ABCD3: variants seen among roughly 807,000 people sequenced by gnomAD.
ABCD3 encodes ATP-binding cassette sub-family D member 3.
Under a neutral mutation model 105.5 loss-of-function variants are expected in ABCD3, and 41 were observed. The ratio of observed to expected loss-of-function variants is 0.39; its 90% CI spans 0.30 to 0.50. ABCD3 has a LOEUF of 0.50. Among genes scored for constraint, ABCD3 ranks in the 20% least tolerant of loss-of-function variants. ABCD3 has a pLI of 0.84. For synonymous variants in ABCD3, 258 were observed against 269.0 expected, an observed-to-expected ratio of 0.96 and a Z score of 0.40; for missense variants, 622 against 806.3, an observed-to-expected ratio of 0.77 and a Z score of 2.77.
chr1:94,394,872 A>G, the ABCD3 span, among the ~76,000 whole-genome samples: 1 of 152,248 alleles, frequency 6.6e-6, no homozygotes, highest in Non-Finnish European at 1.5e-5. Flanking sequence ...AGCATTTCCA[A>G]TCAGGCTCTG....
At chr1:94,507,942 G>A (rs1279756663) in intron 21 of ABCD3, among the ~76,000 whole-genome samples, 1 of 148,504 alleles carries the variant, frequency 6.7e-6, no homozygotes, top group East Asian at 1.9e-4. Context: ...TTTGTAGGCT[G>A]CCTGTTCACT....
intron 1 of ABCD3, among the ~76,000 whole-genome samples, chr1:94,442,722 A>G (rs191843549): frequency 1.3e-3 from 192 of 152,278 alleles, no homozygotes; most frequent in Non-Finnish European, 2.4e-3. Flanking sequence ...AACATTTGAT[A>G]TTTGACTTTG....
chr1:94,453,701 T>C (rs1647384524), intron 1 of ABCD3, among the ~76,000 whole-genome samples: 1 of 151,516 alleles, frequency 6.6e-6, no homozygotes, highest in Non-Finnish European at 1.5e-5. Context: ...AGAAGTCTTT[T>C]ACCTTTTTTT....
intron 7 of ABCD3, among the ~76,000 whole-genome samples, chr1:94,476,395 T>C (rs1322433803): frequency 6.6e-6 from 1 of 152,132 alleles, no homozygotes; most frequent in African/African-American, 2.4e-5. Context: ...ACCTCTTGCA[T>C]TGACTATGAT....
the ABCD3 span, among the ~76,000 whole-genome samples, chr1:94,394,618 G>A: frequency 1.3e-5 from 2 of 152,184 alleles, no homozygotes; most frequent in Non-Finnish European, 2.9e-5. Context: ...TCAGAGAGCG[G>A]AGAGGAAAAT....
the ABCD3 span, among the ~76,000 whole-genome samples, chr1:94,410,295 T>C: frequency 3.3e-5 from 5 of 152,204 alleles, no homozygotes; most frequent in African/African-American, 1.2e-4. Flanking sequence ...GTGGTCCTTG[T>C]GGTTATTATT....
chr1:94,484,630 C>T (rs1370890510), intron 10 of ABCD3, among the ~76,000 whole-genome samples: 1 of 151,990 alleles, frequency 6.6e-6, no homozygotes, highest in African/African-American at 2.4e-5. Flanking sequence ...ACACCGGGGC[C>T]TGTTGTGGGG....
At chr1:94,489,004 G>C (rs114684835) in intron 13 of ABCD3, among the ~76,000 whole-genome samples, 1 of 151,866 alleles carries the variant, frequency 6.6e-6, no homozygotes, top group South Asian at 2.1e-4. Flanking sequence ...AGTTATACAC[G>C]TGTGAAACCA....
At chr1:94,490,400 T>C (rs1188313579) in intron 15 of ABCD3, among the ~76,000 whole-genome samples, 2 of 151,976 alleles carry the variant, frequency 1.3e-5, no homozygotes, top group Admixed American at 6.6e-5. Flanking sequence ...CCATTTCCTC[T>C]CTCTCTAACC....
the ABCD3 span, chr1:94,406,575 C>A: frequency 3.0e-6 from 1 of 331,420 alleles, no homozygotes; most frequent in Non-Finnish European, 5.8e-6. Flanking sequence ...GCTATCTCAG[C>A]TCTTAGAGTA....
intron 1 of ABCD3, among the ~76,000 whole-genome samples, chr1:94,443,005 T>C (rs1227471097): frequency 1.3e-5 from 2 of 152,198 alleles, no homozygotes; most frequent in Non-Finnish European, 2.9e-5. Flanking sequence ...CTGGATGGAA[T>C]GGTAGTTCTG....
At chr1:94,429,165 G>C (rs1659581348) in intron 1 of ABCD3, among the ~76,000 whole-genome samples, 1 of 152,194 alleles carries the variant, frequency 6.6e-6, no homozygotes, top group Admixed American at 6.5e-5. Context: ...CTTTGAACTT[G>C]AGAGAGGTGA....
chr1:94,458,487 A>G (rs1647699815), intron 1 of ABCD3, 120 bp from the exon 2 acceptor site: 1 of 858,046 alleles, frequency 1.2e-6, no homozygotes, highest in Non-Finnish European at 1.9e-6. Flanking sequence ...CTATCTCACT[A>G]TGATGTGAAA....
At chr1:94,460,195 C>A (rs538630104) in intron 2 of ABCD3, among the ~76,000 whole-genome samples, 2 of 152,044 alleles carry the variant, frequency 1.3e-5, no homozygotes, top group African/African-American at 4.8e-5. Context: ...TAATTTATTG[C>A]GGTAAATGTC....
intron 1 of ABCD3, among the ~76,000 whole-genome samples, chr1:94,457,975 A>G (rs1007697386): frequency 2.0e-5 from 3 of 152,168 alleles, no homozygotes; most frequent in African/African-American, 7.2e-5. Context: ...GATCAATGTT[A>G]TGTAGAAGCA....
intron 21 of ABCD3, among the ~76,000 whole-genome samples, chr1:94,508,503 A>C (rs1650482702): frequency 6.6e-6 from 1 of 151,190 alleles, no homozygotes; most frequent in Non-Finnish European, 1.5e-5. Flanking sequence ...ATGAACTTTA[A>C]AGTAGTTTTT....
chr1:94,492,395 C>A (rs1193271063), intron 16 of ABCD3, among the ~76,000 whole-genome samples: 1 of 152,114 alleles, frequency 6.6e-6, no homozygotes, highest in Non-Finnish European at 1.5e-5. Context: ...TGTCTACTTT[C>A]TTCTCAATGA....
upstream of ABCD3, among the ~76,000 whole-genome samples, chr1:94,416,719 A>T (rs1259854282): frequency 6.6e-6 from 1 of 152,180 alleles, no homozygotes; most frequent in Non-Finnish European, 1.5e-5. Flanking sequence ...AAGCCTAAAC[A>T]TATTTTGCTA....
chr1:94,497,082 A>G (rs1649859580), intron 16 of ABCD3, among the ~76,000 whole-genome samples: 1 of 151,990 alleles, frequency 6.6e-6, no homozygotes, highest in Non-Finnish European at 1.5e-5. Context: ...TAGTTGTCAT[A>G]TTCAATAAAG....
Sources: gnomAD v4.1 joint callset for allele counts (sites outside exome capture counted in the v4.1 genomes callset) on GRCh38, gnomAD v4.1.1 for gene constraint, MANE v1.5 for transcripts, NCBI Gene and HGNC (gene_info 2026-07-23, HGNC 2026-07-21) for gene names.